RIMS2: variants seen among roughly 807,000 people sequenced by gnomAD.
RIMS2 encodes regulating synaptic membrane exocytosis protein 2.
In RIMS2, 59 loss-of-function variants were observed where a neutral mutation model predicts 174.4. The ratio of observed to expected loss-of-function variants is 0.34; its 90% confidence interval spans 0.27 to 0.42. RIMS2 has a LOEUF of 0.42. Among genes scored for constraint, RIMS2 ranks in the 10% least tolerant of loss-of-function variants. The pLI, the probability that RIMS2 is intolerant of heterozygous loss-of-function variation, is 1.00. For synonymous variants in RIMS2, 606 were observed against 572.5 expected (o/e 1.06, Z -0.84); for missense variants, 1,620 against 1,666.3 (o/e 0.97, Z 0.48).
At chr8:104,184,675 A>G (rs1415776204) in intron 19 of RIMS2, among the ~76,000 whole-genome samples, 2 of 151,494 alleles carry the variant, frequency 1.3e-5, no homozygotes, top group Admixed American at 1.3e-4. Context: ...TTAGTGAATG[A>G]CTTTTATTTT....
Position 103,781,447 on chromosome 8 carries a change from A to G in RIMS2, c.698+14910A>G, listed in dbSNP as rs147962284. Among the ~76,000 whole-genome samples, 651 of 152,336 alleles carry G rather than the reference A, an allele frequency of 4.3e-3. 4 individuals are homozygous for G. Among genetic ancestry groups the G allele is most frequent in the African/African-American group, 0.015 (619 of 41,574 alleles). On this transcript the variant is annotated intron_variant, in intron 3 of 23. Transcript: ENST00000504942. ...CATTTTGGAACTGGAACAAAAGTAT[A>G]TATTTTTAGTAAAGTTAAAATTATT...
chr8:103,915,528 C>T (rs753003217), exon 7 of RIMS2: 1 of 1,606,318 alleles, frequency 6.2e-7, no homozygotes. Flanking sequence ...ATCAGGTCGG[C>T]TTTGTGCATT....
Position 104,181,708 on chromosome 8 carries a change from G to A in RIMS2, c.3335-63208G>A, listed in dbSNP as rs76606837. 5.7e-3 allele frequency among the ~76,000 whole-genome samples: 858 copies of A among 151,604 alleles called. 6 individuals carry two copies. The highest frequency in any genetic ancestry group is 0.019 in the African/African-American group (794 of 41,460). ...AAAAGAGTATAATCCAGGATTTTAT[G>A]AAAATAATGGCACATTTTACTAAAT... is the stretch of plus-strand genomic sequence containing the variant. On this transcript the variant is annotated intron_variant, in intron 19 of 23. Transcript: ENST00000504942.
At chr8:103,571,284 CT>C (rs1260445087) in intron 1 of RIMS2, among the ~76,000 whole-genome samples, 1 of 152,162 alleles carries the variant, frequency 6.6e-6, no homozygotes, top group Non-Finnish European at 1.5e-5. Flanking sequence ...TTCAAATCCC[CT>C]AATATACAAC....
chr8:103,555,651 G>A (rs1329155978), intron 1 of RIMS2, among the ~76,000 whole-genome samples: 1 of 151,986 alleles, frequency 6.6e-6, no homozygotes, highest in Non-Finnish European at 1.5e-5. Flanking sequence ...AAAAAATCTG[G>A]CCAGGCATGG....
chr8:104,216,686 T>C (rs925874844), intron 19 of RIMS2, among the ~76,000 whole-genome samples: 2 of 152,162 alleles, frequency 1.3e-5, no homozygotes, highest in African/African-American at 4.8e-5. Flanking sequence ...TATGTGCTGG[T>C]AAGTAAAGTT....
intron 1 of RIMS2, among the ~76,000 whole-genome samples, chr8:103,669,406 G>C (rs1030222121): frequency 6.6e-6 from 1 of 152,114 alleles, no homozygotes. Context: ...GTCCTCATAT[G>C]TCAAAACCAA....
intron 12 of RIMS2, among the ~76,000 whole-genome samples, chr8:103,933,078 G>A (rs1055377282): frequency 1.3e-5 from 2 of 152,088 alleles, no homozygotes; most frequent in African/African-American, 4.8e-5. Context: ...AGATCACGAG[G>A]TCAGGAGATC....
At chr8:103,734,459 T>C (rs1347192560) in intron 2 of RIMS2, among the ~76,000 whole-genome samples, 1 of 140,424 alleles carries the variant, frequency 7.1e-6, no homozygotes, top group African/African-American at 2.7e-5. Context: ...GTTGGATGGT[T>C]CTTTTTTTTT....
At chr8:103,604,683 G>T (rs1205977680) in intron 1 of RIMS2, among the ~76,000 whole-genome samples, 2 of 142,200 alleles carry the variant, frequency 1.4e-5, no homozygotes, top group African/African-American at 5.3e-5. Flanking sequence ...GTTGAGCAGT[G>T]GTTTGTAGTT....
At chr8:104,131,900 C>T (rs2098477028) in intron 19 of RIMS2, among the ~76,000 whole-genome samples, 2 of 151,918 alleles carry the variant, frequency 1.3e-5, no homozygotes, top group South Asian at 4.1e-4. Context: ...AATACAAGCA[C>T]TATAGAATTT....
chr8:103,711,900 A>ATG (rs1160696074), intron 2 of RIMS2, among the ~76,000 whole-genome samples: 2 of 150,946 alleles, frequency 1.3e-5, no homozygotes, highest in Non-Finnish European at 3.0e-5. Flanking sequence ...CATCTGAAAT[A>ATG]TATATATATA....
intron 19 of RIMS2, among the ~76,000 whole-genome samples, chr8:104,018,057 A>T (rs1351004141): frequency 9.7e-6 from 1 of 103,056 alleles, no homozygotes; most frequent in East Asian, 2.5e-4. Context: ...CCTGGGTGAC[A>T]GTGAGACTCC....
intron 1 of RIMS2, among the ~76,000 whole-genome samples, chr8:103,556,801 T>G (rs2090563074): frequency 6.6e-6 from 1 of 152,110 alleles, no homozygotes; most frequent in African/African-American, 2.4e-5. Flanking sequence ...CTGATAAGGG[T>G]TAGGTTCCCA....
chr8:104,237,055 AGTGT>A (rs1440793768), intron 19 of RIMS2, among the ~76,000 whole-genome samples: 1 of 152,150 alleles, frequency 6.6e-6, no homozygotes, highest in Non-Finnish European at 1.5e-5. Context: ...AAATTATTTC[AGTGT>A]GTTTTAAATG....
chr8:104,148,822 G>A (rs777254606), intron 19 of RIMS2: 6 of 1,598,334 alleles, frequency 3.8e-6, no homozygotes, highest in Admixed American at 3.3e-5. Context: ...CGGAAAAGTC[G>A]CAGTGCTTCT....
chr8:103,795,448 C>T (rs1371532556), intron 3 of RIMS2, among the ~76,000 whole-genome samples: 4 of 91,518 alleles, frequency 4.4e-5, no homozygotes, highest in South Asian at 3.8e-4. Context: ...TGGGGGGAGG[C>T]GGGAGGGATA....
intron 3 of RIMS2, among the ~76,000 whole-genome samples, chr8:103,823,598 T>G (rs1469992435): frequency 6.6e-6 from 1 of 152,008 alleles, no homozygotes; most frequent in African/African-American, 2.4e-5. Flanking sequence ...TAAATAAATG[T>G]TTATTTAGTA....
At chr8:104,004,605 A>G (rs1156463645) in intron 17 of RIMS2, among the ~76,000 whole-genome samples, 1 of 152,194 alleles carries the variant, frequency 6.6e-6, no homozygotes, top group Non-Finnish European at 1.5e-5. Context: ...ATTAGATAGC[A>G]TATGTGATAT....
Sources: allele counts gnomAD v4.1 joint callset (sites outside exome capture counted in the v4.1 genomes callset), GRCh38; gene constraint gnomAD v4.1.1; transcripts MANE v1.5; gene names NCBI Gene and HGNC (gene_info 2026-07-23, HGNC 2026-07-21).